Variants in ATP2C1 observed in about 807,000 individuals in gnomAD.
ATP2C1 encodes ATPase secretory pathway Ca2+ transporting 1, also known as calcium-transporting ATPase type 2C member 1.
ATP2C1 carries 31 observed loss-of-function variants against 120.5 expected under a neutral mutation model. The observed-to-expected ratio is 0.26, with a 90% CI of 0.19 to 0.35. ATP2C1 has a LOEUF of 0.35. Ranked by LOEUF, ATP2C1 falls within the 10% of genes least tolerant of loss-of-function variation. ATP2C1 has a pLI of 1.00. For missense variants in ATP2C1, 731 were observed against 1,107.5 expected, an observed-to-expected ratio of 0.66 and a Z score of 4.83; for synonymous variants, 351 against 358.7, an observed-to-expected ratio of 0.98 and a Z score of 0.24.
In ATP2C1 at chr3:130,894,255, C is replaced by T. The variant is rs1302625946; in HGVS notation, c.-263C>T. 2.0e-6 allele frequency: 2 copies of T among 985,876 alleles called. No homozygotes were observed. The highest frequency in any genetic ancestry group is 1.8e-5 in the African/African-American group (1 of 57,104). 61.1% of individuals were successfully genotyped at this position (985,876 alleles called of 1,614,324 possible). ...CACCGCTGCCCCGCGAGCAGCTCCTCTTCTCCCGAGGCGCGCGGGGCGCCC... is the reference window on the plus strand; with the variant it reads ...CACCGCTGCCCCGCGAGCAGCTCCTTTTCTCCCGAGGCGCGCGGGGCGCCC... On this transcript the variant is annotated 5_prime_UTR_variant, in exon 1 of 28. Transcript: ENST00000510168. The surrounding 1 kb of genome is among the most constrained non-coding windows in gnomAD (Gnocchi z 4.5).
intron 20 of ATP2C1, among the ~76,000 whole-genome samples, chr3:130,988,633 C>G (rs901239533): frequency 3.9e-5 from 6 of 152,110 alleles, no homozygotes; most frequent in Admixed American, 1.3e-4. Flanking sequence ...AAAATTGATC[C>G]TCAGTGCCTC....
At chr3:130,852,016 G>C (rs1249719049) in intron 1 of ATP2C1, among the ~76,000 whole-genome samples, 1 of 152,236 alleles carries the variant, frequency 6.6e-6, no homozygotes, top group Non-Finnish European at 1.5e-5. Flanking sequence ...TACTGTTTGA[G>C]AGGAAACTGC....
intron 1 of ATP2C1, among the ~76,000 whole-genome samples, chr3:130,866,036 T>C (rs985165771): frequency 6.6e-6 from 1 of 152,230 alleles, no homozygotes; most frequent in Non-Finnish European, 1.5e-5. Flanking sequence ...GCTGAAACTC[T>C]AGAATCCTCC....
chr3:130,990,501 G>C (rs1243303918), intron 20 of ATP2C1, among the ~76,000 whole-genome samples: 1 of 152,172 alleles, frequency 6.6e-6, no homozygotes, highest in African/African-American at 2.4e-5. Context: ...GTCAGGAAAA[G>C]ATTAATGATA....
intron 18 of ATP2C1, among the ~76,000 whole-genome samples, chr3:130,978,185 C>G (rs1234151263): frequency 1.3e-5 from 2 of 152,130 alleles, no homozygotes; most frequent in Non-Finnish European, 2.9e-5. Flanking sequence ...CTCATTCTCT[C>G]AAGGGTGAAA....
At chr3:130,965,945 A>G (rs1002311122) in intron 14 of ATP2C1, among the ~76,000 whole-genome samples, 1 of 152,146 alleles carries the variant, frequency 6.6e-6, no homozygotes, top group African/African-American at 2.4e-5. Flanking sequence ...TAACAATTAT[A>G]TATTGATACA....
At chr3:130,867,819 C>T (rs200809215) in intron 1 of ATP2C1, among the ~76,000 whole-genome samples, 8,205 of 122,686 alleles carry the variant, frequency 0.067, 54 homozygotes, top group Non-Finnish European at 0.089. Context: ...CGTCTCTGCC[C>T]GGCCGCCATC....
intron 11 of ATP2C1, 74 bp from the exon 12 acceptor site, chr3:130,959,200 AT>A: frequency 8.9e-7 from 1 of 1,125,458 alleles, no homozygotes; most frequent in Non-Finnish European, 1.3e-6. Context: ...GACGTTTTAG[AT>A]TCCTTCAGCT....
At chr3:130,869,589 G>C (rs1276327084) in intron 1 of ATP2C1, among the ~76,000 whole-genome samples, 1 of 152,192 alleles carries the variant, frequency 6.6e-6, no homozygotes, top group Non-Finnish European at 1.5e-5. Context: ...TGCTACTCCA[G>C]TGAACACACA....
chr3:130,991,419 G>C (rs1045860526), intron 20 of ATP2C1, among the ~76,000 whole-genome samples: 3 of 152,148 alleles, frequency 2.0e-5, no homozygotes, highest in Non-Finnish European at 4.4e-5. Context: ...CAGAGAGAAT[G>C]GGAGACAGCA....
intron 7 of ATP2C1, among the ~76,000 whole-genome samples, chr3:130,941,254 G>C (rs1042926894): frequency 2.3e-4 from 34 of 149,514 alleles, no homozygotes; most frequent in African/African-American, 3.5e-4. Context: ...GTGTGTGTGT[G>C]TGTGTGTGTG....
chr3:130,966,888 T>C (rs1382836021), intron 14 of ATP2C1, among the ~76,000 whole-genome samples: 1 of 152,210 alleles, frequency 6.6e-6, no homozygotes, highest in Non-Finnish European at 1.5e-5. Context: ...TTTCATAGCT[T>C]ATTCTTTTAA....
chr3:130,993,163 G>T (rs966531359), intron 21 of ATP2C1, among the ~76,000 whole-genome samples, 162 bp downstream of exon 21: 5 of 151,736 alleles, frequency 3.3e-5, no homozygotes, highest in African/African-American at 1.2e-4. Flanking sequence ...AACACTAATA[G>T]AGAATTTAGT....
chr3:130,850,769 A>G, exon 1 of ATP2C1: 1 of 862,542 alleles, frequency 1.2e-6, no homozygotes, highest in South Asian at 2.3e-5. Context: ...TTCTAATTTC[A>G]TATGGTTGCT....
chr3:130,906,452 CA>C (rs1459724322), intron 2 of ATP2C1, among the ~76,000 whole-genome samples: 23 of 152,044 alleles, frequency 1.5e-4, no homozygotes, highest in Middle Eastern at 3.4e-3. Flanking sequence ...TACTTTTTGT[CA>C]AAAAATAACA....
chr3:130,945,575 C>T (rs1280444478), intron 8 of ATP2C1, among the ~76,000 whole-genome samples: 1 of 142,250 alleles, frequency 7.0e-6, no homozygotes, highest in South Asian at 2.3e-4. Context: ...TCCAAGTGTT[C>T]TCATTGTTCA....
intron 2 of ATP2C1, among the ~76,000 whole-genome samples, chr3:130,926,560 C>A (rs2059215750): frequency 6.6e-6 from 1 of 152,222 alleles, no homozygotes; most frequent in African/African-American, 2.4e-5. Flanking sequence ...ACAAAACTAG[C>A]ACTGCTGTAT....
chr3:130,867,659 G>C (rs1470894413), intron 1 of ATP2C1, among the ~76,000 whole-genome samples: 1 of 151,482 alleles, frequency 6.6e-6, no homozygotes, highest in Non-Finnish European at 1.5e-5. Context: ...CCTCCCAGCC[G>C]CCTGCCTTGG....
At position 131,011,487 on chromosome 3, in the gene ATP2C1, C is replaced by T. The variant is rs776265090; in HGVS notation, c.2630-4665C>T. Among the ~76,000 whole-genome samples the T allele has an allele frequency of 9.2e-5, 14 of 152,302 alleles. No homozygotes were observed. The South Asian group carries it at 1.5e-3, about 16-fold the overall frequency. On this transcript the variant is annotated intron_variant, in intron 26 of 26. Coordinates refer to the ATP2C1 transcript ENST00000328560. ...TGAATTAGAAAGAGCAGGACCTAAT[C>T]ACTTGATTGCAAACATAGGAAACTA...
Sources: allele counts gnomAD v4.1 joint callset (sites outside exome capture counted in the v4.1 genomes callset), GRCh38; gene constraint gnomAD v4.1.1; non-coding constraint Gnocchi (gnomAD v3.1); transcripts MANE v1.5; gene names NCBI Gene and HGNC (gene_info 2026-07-23, HGNC 2026-07-21).